The following AHR variants were observed in gnomAD, a reference collection of about 807,000 sequenced individuals.
AHR encodes the protein AH-receptor.
Under a neutral mutation model 86.8 loss-of-function variants are expected in AHR, and 40 were observed. The ratio of observed to expected loss-of-function variants is 0.46; its 90% CI spans 0.36 to 0.60. AHR has a LOEUF of 0.60. Among genes scored for constraint, AHR ranks in the 20% least tolerant of loss-of-function variants. The pLI, the probability that AHR is intolerant of heterozygous loss-of-function variation, is 0.00. For missense variants in AHR, 1,001 were observed against 1,011.6 expected (o/e 0.99, Z 0.14); for synonymous variants, 398 against 354.9 (o/e 1.12, Z -1.37).
intron 4 of AHR, 51 bp from the exon 5 acceptor site, chr7:17,329,901 A>T: frequency 1.3e-6 from 2 of 1,521,242 alleles, no homozygotes; most frequent in Middle Eastern, 1.8e-4. Context: ...TAATTTAGCC[A>T]TATTTTTTAA....
chr7:17,321,696 T>G (rs554853241), intron 2 of AHR, among the ~76,000 whole-genome samples: 2 of 151,862 alleles, frequency 1.3e-5, no homozygotes, highest in South Asian at 4.2e-4. Flanking sequence ...CATCAGACTT[T>G]CCTTCACATA....
chr7:17,337,308 T>A (rs1477497929), intron 9 of AHR, among the ~76,000 whole-genome samples: 1 of 152,168 alleles, frequency 6.6e-6, no homozygotes, highest in Non-Finnish European at 1.5e-5. Flanking sequence ...CTATGAAGAA[T>A]ACATGTTCTG....
chr7:17,315,291 T>C (rs1782104205), intron 2 of AHR, among the ~76,000 whole-genome samples: 1 of 152,048 alleles, frequency 6.6e-6, no homozygotes, highest in Non-Finnish European at 1.5e-5. Flanking sequence ...TATTAGATTA[T>C]ATGAATAAAT....
Position 17,339,593 on chromosome 7 carries a change from A to C in AHR, c.1768A>C (p.Ser590Arg), listed in dbSNP as rs1782396427. The C allele has an allele frequency of 1.2e-6, 2 of 1,614,168 alleles. No individual in the cohort carries two copies. The highest frequency in any genetic ancestry group is 1.7e-6 in the Non-Finnish European group (2 of 1,180,036). The change falls in exon 10 of 11, where the codon AGT becomes CGT. Residue 590 changes from serine to arginine, a missense_variant. Physicochemically the swap from Ser to Arg is moderately radical, Grantham distance 110. Transcript: ENST00000242057. The part of the protein sequence containing the change: ...EILTYVQDSL[S>R]KSPFIPSDYQ... ...CCTGACGTATGTCCAAGATTCTTTA[A>C]GTAAGTCTCCCTTCATACCTTCAGA...
At position 17,298,969 on chromosome 7, in the gene AHR, G is replaced by A. The variant is rs1781922227; in HGVS notation, c.-296G>A. 1 of 440,348 alleles carries A rather than the reference G, an allele frequency of 2.3e-6. No individual in the cohort carries two copies. The highest frequency in any genetic ancestry group is 3.9e-6 in the Non-Finnish European group (1 of 253,314). The allele number at this position is 440,348 out of a possible 1,614,324, so 27.3% of individuals were successfully genotyped here. A position where few individuals can be genotyped will look rare whatever the true frequency, so the allele number is the denominator to read the frequency against. On this transcript the variant is annotated 5_prime_UTR_variant, in exon 1 of 11. Transcript: ENST00000242057. ...CCTCACCTGCGGGCATTGCCGCGCC[G>A]CCTCCGCCGGTGTAGACGGCACCTG...
At chr7:17,311,596 C>G (rs941895538) in intron 2 of AHR, among the ~76,000 whole-genome samples, 9 of 152,108 alleles carry the variant, frequency 5.9e-5, no homozygotes, top group African/African-American at 1.9e-4. Flanking sequence ...TTTAGTTTAA[C>G]AGTTGTGGTC....
intron 2 of AHR, among the ~76,000 whole-genome samples, chr7:17,312,408 T>C (rs1420580417): frequency 1.3e-5 from 2 of 152,184 alleles, no homozygotes; most frequent in African/African-American, 4.8e-5. Context: ...AAGTAGTACA[T>C]ATGTGTGTAT....
chr7:17,338,208 A>G (rs1320896174), intron 9 of AHR, among the ~76,000 whole-genome samples: 3 of 151,822 alleles, frequency 2.0e-5, no homozygotes, highest in Non-Finnish European at 4.4e-5. Context: ...CAAAAAAAAA[A>G]AAAAAAATCT....
rs1393442371 is a variant in AHR at position 17,309,850 on chromosome 7, A to G, written c.66-86A>G. 4.4e-6 allele frequency: 5 copies of G among 1,139,986 alleles called. No homozygotes were observed. In the East Asian group the frequency reaches 1.0e-4, roughly 24 times the overall value. 70.6% of individuals were successfully genotyped at this position (1,139,986 alleles called of 1,614,324 possible). ...TTTAAAAGTTTGTTGTGTTAGAGAA[A>G]TATTTGAGGAGATGTTATAATGCAA... On this transcript the variant is annotated intron_variant, in intron 1 of 10. Transcript: ENST00000242057.
Position 17,334,871 on chromosome 7 carries a change from T to C in AHR, c.909-16T>C. The stretch of plus-strand genomic sequence containing the variant: ...TCTTAATCCATTCTTATTTTACCTT[T>C]TTTTATTTTAAACAGAGGAAGAATT... On this transcript the variant is annotated splice_polypyrimidine_tract_variant and intron_variant, in intron 7 of 10. Coordinates refer to ENST00000242057, the MANE Select transcript of AHR (RefSeq NM_001621.5). The C allele has an allele frequency of 6.4e-7, 1 of 1,562,692 alleles. No individual in the cohort carries two copies. Among genetic ancestry groups the C allele is most frequent in the Non-Finnish European group, 8.7e-7 (1 of 1,144,186 alleles).
chr7:17,300,057 A>G (rs1781939018), intron 1 of AHR, among the ~76,000 whole-genome samples: 1 of 152,138 alleles, frequency 6.6e-6, no homozygotes, highest in African/African-American at 2.4e-5. Flanking sequence ...AAGATTTAGA[A>G]CTGCATTTGA....
chr7:17,308,727 ACAC>A (rs1406558318), intron 1 of AHR, among the ~76,000 whole-genome samples: 9 of 151,974 alleles, frequency 5.9e-5, no homozygotes, highest in Non-Finnish European at 1.2e-4. Context: ...ACACACACAC[ACAC>A]ATCATTTTAC....
At chr7:17,320,192 A>T (rs1782154579) in intron 2 of AHR, among the ~76,000 whole-genome samples, 1 of 152,038 alleles carries the variant, frequency 6.6e-6, no homozygotes, top group African/African-American at 2.4e-5. Flanking sequence ...CTATTCTGGT[A>T]CTTAGTATTT....
Position 17,344,332 on chromosome 7 carries a change from A to G in AHR, c.*1268A>G, listed in dbSNP as rs896792364. The stretch of plus-strand genomic sequence containing the variant: ...GGTGCATTGTATAGATATAATGAAC[A>G]AAATTATTTGTAAGATATTTGCAGT... On this transcript the variant is annotated 3_prime_UTR_variant, in exon 11 of 11. Coordinates refer to ENST00000242057, the MANE Select transcript of AHR (RefSeq NM_001621.5). The G allele has an allele frequency of 6.5e-6, 1 of 152,774 alleles. No individual in the cohort carries two copies. The highest frequency in any genetic ancestry group is 1.5e-5 in the Non-Finnish European group (1 of 68,042). The allele number at this position is 152,774 out of a possible 1,614,324, so 9.5% of individuals were successfully genotyped here. A position where few individuals can be genotyped will look rare whatever the true frequency, so the allele number is the denominator to read the frequency against.
At chr7:17,320,650 T>G (rs1782158895) in intron 2 of AHR, among the ~76,000 whole-genome samples, 1 of 152,078 alleles carries the variant, frequency 6.6e-6, no homozygotes, top group African/African-American at 2.4e-5. Flanking sequence ...TGTATGGTTT[T>G]AGTGCATTCA....
At position 17,334,861 on chromosome 7, in the gene AHR, A is replaced by G. The variant is rs1782338297; in HGVS notation, c.909-26A>G. 5 of 1,509,936 alleles carry G rather than the reference A, an allele frequency of 3.3e-6. No homozygotes were observed. In the South Asian group the frequency reaches 4.7e-5, roughly 14 times the overall value. 93.5% of individuals were successfully genotyped at this position (1,509,936 alleles called of 1,614,324 possible). ...TTATGTTAAATCTTAATCCATTCTT[A>G]TTTTACCTTTTTTTATTTTAAACAG... On this transcript the variant is annotated intron_variant, in intron 7 of 10. Coordinates refer to ENST00000242057, the MANE Select transcript of AHR (RefSeq NM_001621.5).
chr7:17,325,685 C>T (rs1442478725), intron 3 of AHR, among the ~76,000 whole-genome samples: 1 of 152,108 alleles, frequency 6.6e-6, no homozygotes, highest in Non-Finnish European at 1.5e-5. Context: ...AGCAAGCTAC[C>T]ACAGGAACAG....
At chr7:17,299,592 A>G (rs925721873) in intron 1 of AHR, among the ~76,000 whole-genome samples, 2 of 152,154 alleles carry the variant, frequency 1.3e-5, no homozygotes, top group African/African-American at 4.8e-5. Context: ...CACATTTGCA[A>G]CTTTGTTCTT....
chr7:17,322,097 T>A (rs1056434388), intron 2 of AHR, among the ~76,000 whole-genome samples: 2 of 151,942 alleles, frequency 1.3e-5, no homozygotes, highest in Non-Finnish European at 2.9e-5. Flanking sequence ...CATAAAAATG[T>A]TGGATTCATT....
Sources: gnomAD v4.1 joint callset for allele counts (sites outside exome capture counted in the v4.1 genomes callset) on GRCh38, gnomAD v4.1.1 for gene constraint, MANE v1.5 for transcripts, NCBI Gene and HGNC (gene_info 2026-07-23, HGNC 2026-07-21) for gene names.